TTLL11: variants seen among roughly 807,000 people sequenced by gnomAD.
TTLL11 encodes the protein tubulin tyrosine ligase like 11.
In TTLL11, 42 loss-of-function variants were observed where a neutral mutation model predicts 51.7. The observed-to-expected ratio is 0.81, with a 90% CI of 0.64 to 1.05. The LOEUF is 1.05. Ranked by LOEUF, TTLL11 falls within the 50% of genes least tolerant of loss-of-function variation. The probability of loss-of-function intolerance (pLI) is 0.00; values close to 1 mark genes in which losing one functional copy is unlikely to be tolerated. For synonymous variants in TTLL11, 381 were observed against 383.5 expected (o/e 0.99, Z 0.08); for missense variants, 799 against 940.4 (o/e 0.85, Z 1.97).
chr9:121,940,439 G>A (rs899266558), intron 6 of TTLL11, among the ~76,000 whole-genome samples: 1 of 151,858 alleles, frequency 6.6e-6, no homozygotes, highest in Non-Finnish European at 1.5e-5. Context: ...CCAGGTTCAA[G>A]CGATTCTCCT....
At chr9:121,938,584 G>T (rs1256500874) in intron 6 of TTLL11, among the ~76,000 whole-genome samples, 4 of 151,938 alleles carry the variant, frequency 2.6e-5, no homozygotes, top group Admixed American at 2.6e-4. Context: ...CTACAAATAA[G>T]AAATTTCTAC....
intron 6 of TTLL11, among the ~76,000 whole-genome samples, chr9:121,874,184 G>C (rs1838476559): frequency 6.6e-6 from 1 of 151,830 alleles, no homozygotes. Flanking sequence ...AGTTTTTTTT[G>C]TAGAGATAAG....
In TTLL11 at chr9:122,036,799, A is replaced by G. The variant is rs184937969; in HGVS notation, c.559+2473T>C. Among the ~76,000 whole-genome samples, 738 of 152,312 alleles carry G rather than the reference A, an allele frequency of 4.8e-3. 31 individuals are homozygous for G. The highest frequency in any genetic ancestry group is 0.042 in the Admixed American group (650 of 15,308). ...AAGCTTGGACACAAACTGGTATCAG[A>G]GGCCAGACTGTTCTGGAATTACCCC... On this transcript the variant is annotated intron_variant, in intron 2 of 8. Transcript: ENST00000321582.
At chr9:121,950,026 T>C (rs1159937833) in intron 6 of TTLL11, among the ~76,000 whole-genome samples, 2 of 152,044 alleles carry the variant, frequency 1.3e-5, no homozygotes, top group African/African-American at 4.8e-5. Flanking sequence ...ATCTTTCACC[T>C]TTTCCCTATG....
At chr9:122,070,942 C>T (rs1056321150) in intron 1 of TTLL11, among the ~76,000 whole-genome samples, 8 of 152,140 alleles carry the variant, frequency 5.3e-5, no homozygotes, top group African/African-American at 1.9e-4. Flanking sequence ...AGCATGGTAT[C>T]ATGGAAGGAG....
intron 6 of TTLL11, among the ~76,000 whole-genome samples, chr9:121,887,716 T>C (rs1839065455): frequency 6.6e-6 from 1 of 152,204 alleles, no homozygotes; most frequent in Non-Finnish European, 1.5e-5. Flanking sequence ...AGGGGAAACT[T>C]GGGCCAATGA....
intron 7 of TTLL11, among the ~76,000 whole-genome samples, chr9:121,863,137 G>A (rs1170897064): frequency 3.3e-5 from 5 of 152,132 alleles, no homozygotes; most frequent in East Asian, 3.9e-4. Context: ...ATCACGAGTC[G>A]CGGTGGCAGA....
intron 6 of TTLL11, among the ~76,000 whole-genome samples, chr9:121,946,448 G>C (rs1329300498): frequency 1.3e-5 from 2 of 152,240 alleles, no homozygotes; most frequent in Non-Finnish European, 2.9e-5. Context: ...TGGCCGACTA[G>C]GCAAAGCAGG....
At chr9:122,085,687 A>C (rs1846106267) in intron 1 of TTLL11, among the ~76,000 whole-genome samples, 1 of 152,266 alleles carries the variant, frequency 6.6e-6, no homozygotes, top group South Asian at 2.1e-4. Context: ...CATGATAGAA[A>C]GAAAACAATC....
rs569700016 is a variant in TTLL11 at position 122,080,856 on chromosome 9, T to A, written c.462+11831A>T. 3.3e-5 allele frequency among the ~76,000 whole-genome samples: 5 copies of A among 151,688 alleles called. No individual in the cohort carries two copies. In the East Asian group the frequency reaches 9.7e-4, roughly 29 times the overall value. On this transcript the variant is annotated intron_variant, in intron 1 of 8. Transcript: ENST00000321582. ...ATATTTTGCAGCAATTAAAATGACA[T>A]TAACAAAAAGTTGTATAGCAAGGAA... is the stretch of plus-strand genomic sequence containing the variant.
intron 6 of TTLL11, among the ~76,000 whole-genome samples, chr9:121,892,721 G>C (rs901837367): frequency 7.9e-5 from 12 of 152,194 alleles, no homozygotes; most frequent in Non-Finnish European, 1.3e-4. Flanking sequence ...GGATGGCAAT[G>C]TCCCGCCACA....
At chr9:121,977,253 T>G (rs1281214381) in intron 4 of TTLL11, among the ~76,000 whole-genome samples, 1 of 152,216 alleles carries the variant, frequency 6.6e-6, no homozygotes, top group African/African-American at 2.4e-5. Context: ...TAGAAAGACC[T>G]GGGCTCCAAT....
chr9:122,011,050 T>C (rs1374252537), intron 3 of TTLL11, among the ~76,000 whole-genome samples: 5 of 152,176 alleles, frequency 3.3e-5, no homozygotes, highest in Admixed American at 6.5e-5. Context: ...TGGTAGGAGA[T>C]AATTGAATCA....
intron 6 of TTLL11, among the ~76,000 whole-genome samples, chr9:121,968,954 C>T (rs1842484645): frequency 6.6e-6 from 1 of 152,050 alleles, no homozygotes; most frequent in Non-Finnish European, 1.5e-5. Flanking sequence ...ACTGCAACCT[C>T]CACCTCCCAG....
In TTLL11 at chr9:121,870,716, T is replaced by G; in HGVS notation, c.1514A>C (p.Lys505Thr). 6.5e-7 allele frequency: 1 copy of G among 1,549,336 alleles called. No homozygotes were observed. Among genetic ancestry groups the G allele is most frequent in the African/African-American group, 1.4e-5 (1 of 73,108 alleles). Residue 505 changes from lysine (K) to threonine (T), a missense_variant, in exon 7 of 9, where the codon AAG (lysine) becomes ACG (threonine). Transcript: ENST00000321582. ...CAGCTCGCCGTCCAAAGCATCTTCC[T>G]TTCCAGCGAATGGTTTTTCAAGCTG... ...SQQLEKPFAG[K>T]EDALDGELTS... is the part of the protein sequence containing the mutation.
intron 3 of TTLL11, among the ~76,000 whole-genome samples, chr9:122,006,479 C>T (rs1843649027): frequency 6.6e-6 from 1 of 151,608 alleles, no homozygotes; most frequent in Admixed American, 6.6e-5. Flanking sequence ...GTCACTCATA[C>T]AACACCCAGT....
chr9:122,069,680 C>CA (rs1845679309), intron 1 of TTLL11, among the ~76,000 whole-genome samples: 1 of 151,708 alleles, frequency 6.6e-6, no homozygotes, highest in Non-Finnish European at 1.5e-5. Flanking sequence ...GACTCCGTCT[C>CA]AAAAAAACAA....
chr9:122,074,487 C>T (rs1480870032), intron 1 of TTLL11, among the ~76,000 whole-genome samples: 2 of 152,122 alleles, frequency 1.3e-5, no homozygotes, highest in Non-Finnish European at 2.9e-5. Context: ...TGTAAACTAA[C>T]ATCAGATGAT....
intron 6 of TTLL11, among the ~76,000 whole-genome samples, chr9:121,909,682 G>A (rs912272181): frequency 3.9e-5 from 6 of 152,206 alleles, no homozygotes; most frequent in Non-Finnish European, 8.8e-5. Context: ...ATCCATGGAA[G>A]ATGTTATATC....
Sources: allele counts gnomAD v4.1 joint callset (sites outside exome capture counted in the v4.1 genomes callset), GRCh38; gene constraint gnomAD v4.1.1; transcripts MANE v1.5; gene names NCBI Gene and HGNC (gene_info 2026-07-23, HGNC 2026-07-21).